The following TP53AIP1 variants were observed in gnomAD, a reference collection of about 807,000 sequenced individuals.
TP53AIP1 encodes the protein p53-regulated apoptosis-inducing protein 1.
TP53AIP1 carries 14 observed loss-of-function variants against 9.5 expected under a neutral mutation model. The observed-to-expected ratio is 1.47, with a 90% CI of 0.97 to 2.30. The LOEUF (loss-of-function observed/expected upper bound fraction) is 2.30. Among genes scored for constraint, TP53AIP1 ranks in the 30% most tolerant of loss-of-function variants. The pLI, the probability that TP53AIP1 is intolerant of heterozygous loss-of-function variation, is 0.00. For synonymous variants in TP53AIP1, 73 were observed against 61.2 expected (o/e 1.19, Z -0.90); for missense variants, 153 against 146.7 (o/e 1.04, Z -0.22).
intron 2 of TP53AIP1, 143 bp from the exon 3 acceptor site, chr11:128,936,792 T>C: frequency 1.4e-6 from 2 of 1,432,490 alleles, no homozygotes; most frequent in Non-Finnish European, 9.1e-7. Flanking sequence ...GCCACTCAGG[T>C]TCCCATGGAA....
chr11:128,940,774 C>T (rs187565025), intron 1 of TP53AIP1, among the ~76,000 whole-genome samples: 2 of 152,336 alleles, frequency 1.3e-5, no homozygotes, highest in Admixed American at 1.3e-4. Context: ...CATGCCACGG[C>T]GGCCACGCTG....
At chr11:128,938,256 T>C (rs2136022163) in intron 1 of TP53AIP1, among the ~76,000 whole-genome samples, 1 of 152,356 alleles carries the variant, frequency 6.6e-6, no homozygotes, top group African/African-American at 2.4e-5. Flanking sequence ...GTGCTCCAGC[T>C]GTATTCATGA....
chr11:128,936,438 A>G (rs1266937430), intron 3 of TP53AIP1, 100 bp downstream of exon 3: 1 of 1,426,160 alleles, frequency 7.0e-7, no homozygotes. Context: ...GTCAAACTCA[A>G]AAAACCCTAT....
Position 128,937,286 on chromosome 11 carries a change from C to T in TP53AIP1, c.141+392G>A. ...TGGACGCAGAAGAGCAGGCCCGGAG[C>T]CCTGCACCCCAGCCTTCCCTCCCCA... On this transcript the variant is annotated intron_variant, in intron 2 of 3. Transcript: ENST00000531399. The surrounding 1 kb of genome is among the most constrained non-coding windows in gnomAD (Gnocchi z 4.8). 7.4e-7 allele frequency: 1 copy of T among 1,348,966 alleles called. No homozygotes were observed. The highest frequency in any genetic ancestry group is 9.5e-7 in the Non-Finnish European group (1 of 1,053,926). The allele number at this position is 1,348,966 out of a possible 1,614,324, so 83.6% of individuals were successfully genotyped here. A position where few individuals can be genotyped will look rare whatever the true frequency, so the allele number is the denominator to read the frequency against.
downstream of TP53AIP1, chr11:128,934,895 T>C: frequency 2.9e-6 from 2 of 679,412 alleles, no homozygotes; most frequent in Non-Finnish European, 5.4e-6. Flanking sequence ...TCATGTAGAC[T>C]ATGGCTCAGC....
At chr11:128,938,061 C>A (rs1224009948) in intron 1 of TP53AIP1, among the ~76,000 whole-genome samples, 167 bp from the exon 2 acceptor site, 1 of 151,960 alleles carries the variant, frequency 6.6e-6, no homozygotes, top group Admixed American at 6.6e-5. Flanking sequence ...TGAGGAGATG[C>A]TTTGGGAAAC....
At position 128,935,469 on chromosome 11, in the gene TP53AIP1, G is replaced by A; in HGVS notation, c.*122C>T. On this transcript the variant is annotated 3_prime_UTR_variant, in exon 4 of 4. Transcript: ENST00000531399. ...CCCAGTGGTCAAGGGGGGAAATGAG[G>A]TGGCCGCTAGTCAGCGCTGGAGCCA... 9.0e-6 allele frequency: 13 copies of A among 1,438,464 alleles called. No homozygotes were observed. In the South Asian group the frequency reaches 1.8e-4, roughly 20 times the overall value. The allele number at this position is 1,438,464 out of a possible 1,614,324, so 89.1% of individuals were successfully genotyped here.
chr11:128,935,646 C>T lies in TP53AIP1; in HGVS notation c.320G>A (p.Gly107Glu), dbSNP rs777996459. Residue 107 changes from glycine to glutamate, a missense_variant, in exon 4 of 4, where the codon GGG becomes GAG. Physicochemically the swap from Gly to Glu is moderately conservative, Grantham distance 98. Transcript: ENST00000531399. ...ATCATAGCTGAGCTCAAATGCTGAC[C>T]CCAGTGGCCTGTCTCTAAGCACTGT... ...GATVLRDRPL[G>E]SAFELSYDQK... 6.3e-7 allele frequency: 1 copy of T among 1,587,836 alleles called. No homozygotes were observed. Among genetic ancestry groups the T allele is most frequent in the Non-Finnish European group, 8.5e-7 (1 of 1,174,812 alleles).
chr11:128,934,733 T>A (rs1228989946), downstream of TP53AIP1: 6 of 394,348 alleles, frequency 1.5e-5, no homozygotes, highest in Non-Finnish European at 2.8e-5. Context: ...GACAAGGCCC[T>A]GAGTGCACAT....
rs1326912961 is a variant in TP53AIP1 at position 128,939,524 on chromosome 11, C to CA, written c.-76-1631dup. Among the ~76,000 whole-genome samples, 1 of 152,244 alleles carries CA rather than the reference C, an allele frequency of 6.6e-6. No homozygotes were observed. Among genetic ancestry groups the CA allele is most frequent in the African/African-American group, 2.4e-5 (1 of 41,462 alleles). ...GGATTCTCCAGAGTTCACACCTATGCATCTGGTTCAATGCTGGGCATTTTG... is the reference window on the plus strand; with the variant it reads ...GGATTCTCCAGAGTTCACACCTATGCAATCTGGTTCAATGCTGGGCATTTTG... On this transcript the variant is annotated intron_variant, in intron 1 of 3. Coordinates refer to ENST00000531399, the MANE Select transcript of TP53AIP1 (RefSeq NM_022112.3). The surrounding 1 kb of genome is among the most constrained non-coding windows in gnomAD (Gnocchi z 4.1).
At chr11:128,940,031 C>A (rs4245083) in intron 1 of TP53AIP1, among the ~76,000 whole-genome samples, 1 of 152,062 alleles carries the variant, frequency 6.6e-6, no homozygotes, top group African/African-American at 2.4e-5. Flanking sequence ...CCCAGCCCCC[C>A]CTTGCTCCAG....
chr11:128,937,082 G>A lies in TP53AIP1; in HGVS notation c.142-433C>T. On this transcript the variant is annotated intron_variant, in intron 2 of 3. Coordinates refer to ENST00000531399, the MANE Select transcript of TP53AIP1 (RefSeq NM_022112.3). This position sits in a 1 kb window ranked among gnomAD's most constrained non-coding sequence, Gnocchi z 4.8. ...CCTGGCCCAGGCCTGGCCTGTGTCT[G>A]CTTCCGGAGCCATGCGCTGCCTGTG... 1 of 1,042,844 alleles carries A rather than the reference G, an allele frequency of 9.6e-7. No individual in the cohort carries two copies. The highest frequency in any genetic ancestry group is 3.9e-5 in the South Asian group (1 of 25,462). 64.6% of individuals were successfully genotyped at this position (1,042,844 alleles called of 1,614,324 possible).
At chr11:128,941,719 G>A (rs989652290) in intron 1 of TP53AIP1, among the ~76,000 whole-genome samples, 8 of 152,206 alleles carry the variant, frequency 5.3e-5, no homozygotes, top group Non-Finnish European at 1.0e-4. Context: ...CTGGCCTGCT[G>A]CTCCCTGAGG....
Position 128,937,298 on chromosome 11 carries a change from G to A in TP53AIP1, c.141+380C>T. ...AGCAGGCCCGGAGCCCTGCACCCCA[G>A]CCTTCCCTCCCCATGCGCTCCACAT... On this transcript the variant is annotated intron_variant, in intron 2 of 3. Coordinates refer to ENST00000531399, the MANE Select transcript of TP53AIP1 (RefSeq NM_022112.3). This position sits in a 1 kb window ranked among gnomAD's most constrained non-coding sequence, Gnocchi z 4.8. The A allele has an allele frequency of 7.4e-7, 1 of 1,359,130 alleles. No homozygotes were observed. Among genetic ancestry groups the A allele is most frequent in the Non-Finnish European group, 9.4e-7 (1 of 1,059,368 alleles). The allele number at this position is 1,359,130 out of a possible 1,614,324, so 84.2% of individuals were successfully genotyped here. A position where few individuals can be genotyped will look rare whatever the true frequency, so the allele number is the denominator to read the frequency against.
chr11:128,941,127 C>G (rs550220945), intron 1 of TP53AIP1, among the ~76,000 whole-genome samples: 1 of 152,260 alleles, frequency 6.6e-6, no homozygotes, highest in South Asian at 2.1e-4. Flanking sequence ...CCCAAGGGGG[C>G]CGTGTTCTCT....
downstream of TP53AIP1, chr11:128,934,977 G>A (rs1944781420): frequency 1.1e-5 from 8 of 702,666 alleles, no homozygotes; most frequent in South Asian, 1.2e-4. Flanking sequence ...GGTTGCCCTG[G>A]GGCTTTCAAC....
intron 1 of TP53AIP1, among the ~76,000 whole-genome samples, chr11:128,940,840 G>A (rs941756815): frequency 3.3e-5 from 5 of 152,194 alleles, no homozygotes; most frequent in Admixed American, 6.5e-5. Context: ...CTCGAGGGGC[G>A]TTCATGTCAG....
intron 3 of TP53AIP1, chr11:128,936,121 A>C (rs778511795): frequency 1.0e-6 from 1 of 983,194 alleles, no homozygotes. Context: ...GCCCATGTAC[A>C]CACAGCTCCT....
chr11:128,937,023 G>A lies in TP53AIP1; in HGVS notation c.142-374C>T, dbSNP rs929649939. 3 of 1,062,980 alleles carry A rather than the reference G, an allele frequency of 2.8e-6. No individual in the cohort carries two copies. Among genetic ancestry groups the A allele is most frequent in the Non-Finnish European group, 3.4e-6 (3 of 879,144 alleles). 65.8% of individuals were successfully genotyped at this position (1,062,980 alleles called of 1,614,324 possible). The stretch of plus-strand genomic sequence containing the variant: ...CTGGGGAGAGAAGTGTGGGCCTCCA[G>A]GGAGGTGTAGGCGCTCCTGGCTCCT... On this transcript the variant is annotated intron_variant, in intron 2 of 3. Transcript: ENST00000531399. This position sits in a 1 kb window ranked among gnomAD's most constrained non-coding sequence, Gnocchi z 4.8.
Sources: allele counts gnomAD v4.1 joint callset (sites outside exome capture counted in the v4.1 genomes callset), GRCh38; gene constraint gnomAD v4.1.1; non-coding constraint Gnocchi (gnomAD v3.1); transcripts MANE v1.5; gene names NCBI Gene and HGNC (gene_info 2026-07-23, HGNC 2026-07-21).